Variants in SPATS1 observed in about 807,000 individuals in gnomAD.
SPATS1 encodes the protein spermatogenesis associated serine rich 1.
A neutral mutation model predicts 33.6 loss-of-function variants in SPATS1; 23 were observed. That is an observed-to-expected ratio of 0.68 (90% CI 0.49 to 0.97). SPATS1 has a LOEUF of 0.97. SPATS1 is among the 50% of genes least tolerant of loss of function. The probability of loss-of-function intolerance (pLI) is 0.00; values close to 1 mark genes in which losing one functional copy is unlikely to be tolerated. For synonymous variants in SPATS1, 131 were observed against 125.6 expected (o/e 1.04, Z -0.29); for missense variants, 327 against 361.0 (o/e 0.91, Z 0.76).
chr6:44,362,045 C>T (rs1248889886), intron 5 of SPATS1, 53 bp downstream of exon 5: 17 of 1,609,086 alleles, frequency 1.1e-5, no homozygotes, highest in African/African-American at 2.7e-5. Flanking sequence ...ACTCTCGAGT[C>T]GTGATTCTAT....
intron 2 of SPATS1, among the ~76,000 whole-genome samples, chr6:44,343,858 G>A (rs111375423): frequency 6.6e-6 from 1 of 152,160 alleles, no homozygotes; most frequent in Non-Finnish European, 1.5e-5. Flanking sequence ...ACCTGTTATG[G>A]GTGAGTGGCC....
intron 7 of SPATS1, among the ~76,000 whole-genome samples, chr6:44,372,179 G>A (rs1290963607): frequency 2.0e-5 from 3 of 150,704 alleles, no homozygotes; most frequent in Non-Finnish European, 3.0e-5. Flanking sequence ...ACTTGAACCC[G>A]GGAGGCAAAG....
At chr6:44,353,457 C>T (rs1788365944) in intron 3 of SPATS1, among the ~76,000 whole-genome samples, 1 of 152,088 alleles carries the variant, frequency 6.6e-6, no homozygotes, top group Non-Finnish European at 1.5e-5. Context: ...GTTATCTTGG[C>T]TCACTTTAAC....
chr6:44,349,915 T>C (rs1215061669), intron 2 of SPATS1, among the ~76,000 whole-genome samples: 1 of 152,250 alleles, frequency 6.6e-6, no homozygotes, highest in Non-Finnish European at 1.5e-5. Flanking sequence ...GAGTGTGGTC[T>C]ATGTATTGTT....
At chr6:44,343,468 G>A (rs1418244258) in intron 2 of SPATS1, 4 of 622,804 alleles carry the variant, frequency 6.4e-6, no homozygotes, top group Admixed American at 4.2e-5. Flanking sequence ...GGATCTCACA[G>A]CAGTGGAGAA....
chr6:44,342,995 G>C, intron 1 of SPATS1, 101 bp from the exon 2 acceptor site: 2 of 1,476,792 alleles, frequency 1.4e-6, no homozygotes, highest in Non-Finnish European at 1.8e-6. Context: ...CCTGACTTTC[G>C]GTGGCTTGTG....
At chr6:44,366,210 T>C (rs940345344) in intron 5 of SPATS1, among the ~76,000 whole-genome samples, 3 of 151,802 alleles carry the variant, frequency 2.0e-5, no homozygotes, top group Non-Finnish European at 4.4e-5. Flanking sequence ...CTGCAATCTC[T>C]GCCTCCCAGG....
At chr6:44,351,122 C>CAAAAAAA (rs34139961) in intron 2 of SPATS1, among the ~76,000 whole-genome samples, 340 of 73,902 alleles carry the variant, frequency 4.6e-3, no homozygotes, top group Non-Finnish European at 5.8e-3. Context: ...GACTCTGTGT[C>CAAAAAAA]AAAAAAAAAA....
chr6:44,360,614 T>C, intron 4 of SPATS1, 44 bp downstream of exon 4: 1 of 1,608,462 alleles, frequency 6.2e-7, no homozygotes, highest in Non-Finnish European at 8.5e-7. Context: ...GCCCCAGGTC[T>C]TTTCAGAAGT....
intron 7 of SPATS1, among the ~76,000 whole-genome samples, 163 bp from the exon 8 acceptor site, chr6:44,376,195 T>C (rs761785189): frequency 1.1e-4 from 17 of 152,142 alleles, no homozygotes; most frequent in Non-Finnish European, 1.9e-4. Context: ...ACAAGAGGGT[T>C]TGAGGCAGGA....
chr6:44,345,682 C>G (rs2153364550), intron 2 of SPATS1, among the ~76,000 whole-genome samples: 1 of 152,292 alleles, frequency 6.6e-6, no homozygotes, highest in Middle Eastern at 3.4e-3. Flanking sequence ...AACTCACATG[C>G]AATTATTGAC....
At chr6:44,376,016 G>A (rs888281994) in intron 7 of SPATS1, among the ~76,000 whole-genome samples, 1 of 151,982 alleles carries the variant, frequency 6.6e-6, no homozygotes, top group Non-Finnish European at 1.5e-5. Context: ...TGAGGCAGGA[G>A]AATTGCTTGA....
rs56810338 is a variant in SPATS1 at position 44,369,880 on chromosome 6, CATAAAATAAA to C, written c.696-148_696-139del. ...GAGTGAGACCCTGTCTCAAAACATA[CATAAAATAAA>C]ATAAAATAAAATAAAATAAAATCTG... On this transcript the variant is annotated intron_variant, in intron 6 of 8. Coordinates refer to ENST00000674044, the MANE Select transcript of SPATS1 (RefSeq NM_001372081.1). 1.7e-3 allele frequency among the ~76,000 whole-genome samples: 244 copies of C among 147,608 alleles called. 2 individuals are homozygous for C. The highest frequency in any genetic ancestry group is 5.6e-3 in the African/African-American group (223 of 39,682).
chr6:44,369,021 C>T (rs1389990582), intron 6 of SPATS1, among the ~76,000 whole-genome samples: 5 of 151,586 alleles, frequency 3.3e-5, no homozygotes, highest in Admixed American at 1.3e-4. Flanking sequence ...CTCAGCCTCC[C>T]GAGTAGCTGG....
intron 2 of SPATS1, among the ~76,000 whole-genome samples, chr6:44,344,389 A>ATATGTG (rs200916956): frequency 8.0e-6 from 1 of 124,698 alleles, no homozygotes; most frequent in Admixed American, 7.9e-5. Context: ...AATTGAAGAT[A>ATATGTG]CGTGTGTGTG....
intron 5 of SPATS1, among the ~76,000 whole-genome samples, chr6:44,364,463 G>A (rs1161042398): frequency 6.6e-6 from 1 of 152,200 alleles, no homozygotes; most frequent in African/African-American, 2.4e-5. Flanking sequence ...TCAGGACTTT[G>A]CTGATTACAT....
At chr6:44,342,852 C>T (rs1787643323) in intron 1 of SPATS1, 84 bp downstream of exon 1, 5 of 1,251,708 alleles carry the variant, frequency 4.0e-6, no homozygotes, top group South Asian at 2.6e-5. Flanking sequence ...GAAGGAGCAC[C>T]TTGAGCTGGA....
At chr6:44,365,543 C>T (rs1789193249) in intron 5 of SPATS1, among the ~76,000 whole-genome samples, 1 of 152,170 alleles carries the variant, frequency 6.6e-6, no homozygotes, top group Non-Finnish European at 1.5e-5. Context: ...GTGACCTTTC[C>T]ATCTCAACCT....
At chr6:44,348,095 G>A (rs998334423) in intron 2 of SPATS1, among the ~76,000 whole-genome samples, 14 of 151,028 alleles carry the variant, frequency 9.3e-5, no homozygotes, top group African/African-American at 3.4e-4. Context: ...TGTAACCCCC[G>A]CCTCCTGGGA....
Sources: allele counts gnomAD v4.1 joint callset (sites outside exome capture counted in the v4.1 genomes callset), GRCh38; gene constraint gnomAD v4.1.1; transcripts MANE v1.5; gene names NCBI Gene and HGNC (gene_info 2026-07-23, HGNC 2026-07-21).